Variants in SOX6 observed in about 807,000 individuals in gnomAD.
The protein encoded by SOX6 is transcription factor SOX-6.
SOX6 carries 11 observed loss-of-function variants against 97.8 expected under a neutral mutation model. The ratio of observed to expected loss-of-function variants is 0.11; its 90% CI spans 0.07 to 0.19. SOX6 has a LOEUF of 0.19. SOX6 is among the 10% of genes least tolerant of loss of function. The probability of loss-of-function intolerance (pLI) is 1.00; values close to 1 mark genes in which losing one functional copy is unlikely to be tolerated. For missense variants in SOX6, 810 were observed against 1,039.5 expected, an observed-to-expected ratio of 0.78 and a Z score of 3.04; for synonymous variants, 360 against 371.4, an observed-to-expected ratio of 0.97 and a Z score of 0.35.
At chr11:16,305,427 A>C (rs1482928407) in intron 3 of SOX6, among the ~76,000 whole-genome samples, 1 of 152,250 alleles carries the variant, frequency 6.6e-6, no homozygotes, top group Non-Finnish European at 1.5e-5. Flanking sequence ...ACCAAGATGC[A>C]GAGATGCTGG....
intron 4 of SOX6, among the ~76,000 whole-genome samples, chr11:16,200,583 G>A (rs1047351487): frequency 6.6e-6 from 1 of 152,008 alleles, no homozygotes; most frequent in Non-Finnish European, 1.5e-5. Flanking sequence ...ATGTAAATAG[G>A]ATCCTGTCTA....
chr11:16,450,928 T>G (rs1166352935), intron 1 of SOX6, among the ~76,000 whole-genome samples: 1 of 152,066 alleles, frequency 6.6e-6, no homozygotes, highest in East Asian at 1.9e-4. Flanking sequence ...AGAACAAAAT[T>G]TACTTGTTTA....
At position 15,989,677 on chromosome 11, in the gene SOX6, A is replaced by C. The variant is rs1853983191; in HGVS notation, c.1733-447T>G. On this transcript the variant is annotated intron_variant, in intron 13 of 15. Transcript: ENST00000683767. Reference sequence around the variant, plus strand: ...GTGCTCTTCTCACTGCCTAGAAGACACTTCTCCTACTCTTTCATGCTAAAT... The same window carrying C: ...GTGCTCTTCTCACTGCCTAGAAGACCCTTCTCCTACTCTTTCATGCTAAAT... Among the ~76,000 whole-genome samples the C allele has an allele frequency of 2.0e-5, 3 of 152,172 alleles. No homozygotes were observed. In the South Asian group the frequency reaches 6.2e-4, roughly 32 times the overall value.
At chr11:16,658,853 TTAAGAGTATA>T (rs1440932190) in intron 3 of SOX6, among the ~76,000 whole-genome samples, 1 of 152,218 alleles carries the variant, frequency 6.6e-6, no homozygotes, top group Non-Finnish European at 1.5e-5. Context: ...TGAAAACTCA[TTAAGAGTATA>T]TAAGTAGTTA....
At chr11:16,620,161 A>G (rs1174605934) in intron 3 of SOX6, among the ~76,000 whole-genome samples, 1 of 152,208 alleles carries the variant, frequency 6.6e-6, no homozygotes, top group Non-Finnish European at 1.5e-5. Context: ...TTTAATAGAC[A>G]AGGAGAAATT....
chr11:16,366,855 A>G (rs1311288668), intron 1 of SOX6, among the ~76,000 whole-genome samples: 1 of 152,214 alleles, frequency 6.6e-6, no homozygotes, highest in Non-Finnish European at 1.5e-5. Flanking sequence ...CAAGTGTAAG[A>G]GCATAAAACC....
chr11:16,441,668 T>C (rs1018503652), intron 1 of SOX6, among the ~76,000 whole-genome samples: 14 of 152,326 alleles, frequency 9.2e-5, no homozygotes, highest in South Asian at 8.3e-4. Context: ...CAGTGATGTT[T>C]AGAAAACTAT....
chr11:16,207,472 G>C (rs1852103301), intron 4 of SOX6, among the ~76,000 whole-genome samples: 1 of 151,866 alleles, frequency 6.6e-6, no homozygotes, highest in African/African-American at 2.4e-5. Flanking sequence ...GCGGGCACCT[G>C]TAGTCCCAGC....
At chr11:16,287,604 A>T (rs1854791331) in intron 3 of SOX6, among the ~76,000 whole-genome samples, 1 of 152,150 alleles carries the variant, frequency 6.6e-6, no homozygotes, top group Admixed American at 6.6e-5. Context: ...TATTCAATAC[A>T]TTAATCATTA....
chr11:16,433,483 G>A (rs1322897383), intron 1 of SOX6, among the ~76,000 whole-genome samples: 1 of 152,096 alleles, frequency 6.6e-6, no homozygotes, highest in Non-Finnish European at 1.5e-5. Flanking sequence ...TTTGGAATAT[G>A]ACCTATAAAA....
rs559062867 is a variant in SOX6 at position 16,431,224 on chromosome 11, T to A, written c.-5+45091A>T. Among the ~76,000 whole-genome samples the A allele has an allele frequency of 9.9e-5, 15 of 152,222 alleles. 1 individual carries two copies. In the South Asian group the frequency reaches 2.3e-3, roughly 23 times the overall value. On this transcript the variant is annotated intron_variant, in intron 1 of 15. Coordinates refer to the SOX6 transcript ENST00000396356. ...CCTACCACCTTTGCCATGCTTCATA[T>A]CACTCATCACCTTTTAATATATTTT...
At chr11:16,489,377 G>C (rs1286661320) in intron 4 of SOX6, among the ~76,000 whole-genome samples, 1 of 152,016 alleles carries the variant, frequency 6.6e-6, no homozygotes, top group African/African-American at 2.4e-5. Flanking sequence ...CCAAAAATAA[G>C]GGAAAGTTTA....
At chr11:16,552,697 T>C (rs767744634) in intron 4 of SOX6, among the ~76,000 whole-genome samples, 2 of 152,190 alleles carry the variant, frequency 1.3e-5, no homozygotes, top group Non-Finnish European at 2.9e-5. Flanking sequence ...CACAGCATAA[T>C]AGAGGTTTGG....
At chr11:16,394,436 AC>A (rs1858283407) in intron 1 of SOX6, among the ~76,000 whole-genome samples, 1 of 151,862 alleles carries the variant, frequency 6.6e-6, no homozygotes, top group African/African-American at 2.4e-5. Context: ...CTCATCACCA[AC>A]AAAAAAAAGT....
chr11:16,039,868 T>C (rs1435739694), intron 12 of SOX6, among the ~76,000 whole-genome samples: 1 of 151,982 alleles, frequency 6.6e-6, no homozygotes, highest in East Asian at 1.9e-4. Flanking sequence ...TCTTTGATAA[T>C]TTTTAAGAGT....
At chr11:16,724,433 C>A (rs1288094646) in intron 2 of SOX6, among the ~76,000 whole-genome samples, 3 of 151,480 alleles carry the variant, frequency 2.0e-5, no homozygotes. Context: ...ACATGTTTGT[C>A]AAGTTGGTGG....
At chr11:16,468,175 T>C (rs945006428) in intron 1 of SOX6, among the ~76,000 whole-genome samples, 2 of 152,198 alleles carry the variant, frequency 1.3e-5, no homozygotes, top group African/African-American at 4.8e-5. Flanking sequence ...ATGTTGACTC[T>C]TGTGCAACTC....
chr11:16,513,642 A>G (rs991607904), intron 4 of SOX6, among the ~76,000 whole-genome samples: 2 of 152,130 alleles, frequency 1.3e-5, no homozygotes, highest in African/African-American at 4.8e-5. Flanking sequence ...CAATAAATAA[A>G]TAAACAAACA....
Position 16,605,721 on chromosome 11 carries a change from C to T in SOX6, n.609+6360G>A, listed in dbSNP as rs888786555. Among the ~76,000 whole-genome samples the T allele has an allele frequency of 1.3e-5, 2 of 151,978 alleles. No homozygotes were observed. Among genetic ancestry groups the T allele is most frequent in the African/African-American group, 4.8e-5 (2 of 41,386 alleles). On this transcript the variant is annotated intron_variant and non_coding_transcript_variant, in intron 4 of 5. Coordinates refer to the SOX6 transcript ENST00000524520. This position sits in a 1 kb window ranked among gnomAD's most constrained non-coding sequence, Gnocchi z 5.3. ...CCCACAAACAGCCTAAGTTTCCAAA[C>T]CGAAATGGGGGTGGGGTGGGGGTAG...
Sources: allele counts gnomAD v4.1 joint callset (sites outside exome capture counted in the v4.1 genomes callset), GRCh38; gene constraint gnomAD v4.1.1; non-coding constraint Gnocchi (gnomAD v3.1); transcripts MANE v1.5; gene names NCBI Gene and HGNC (gene_info 2026-07-23, HGNC 2026-07-21).